The following NSUN6 variants were observed in gnomAD, a reference collection of about 807,000 sequenced individuals.
NSUN6 encodes the protein NOP2/Sun RNA methyltransferase 6.
A neutral mutation model predicts 58.0 loss-of-function variants in NSUN6; 64 were observed. The ratio of observed to expected loss-of-function variants is 1.10; its 90% CI spans 0.90 to 1.36. The LOEUF (loss-of-function observed/expected upper bound fraction) is 1.36, where lower values mean the gene tolerates loss of function less well. Among genes scored for constraint, NSUN6 ranks in the 40% most tolerant of loss-of-function variants. The pLI is 0.00. For synonymous variants in NSUN6, 231 were observed against 193.9 expected, an observed-to-expected ratio of 1.19 and a Z score of -1.59; for missense variants, 701 against 550.1, an observed-to-expected ratio of 1.27 and a Z score of -2.74.
intron 3 of NSUN6, among the ~76,000 whole-genome samples, chr10:18,627,677 C>G (rs542727551): frequency 6.6e-6 from 1 of 152,200 alleles, no homozygotes; most frequent in Non-Finnish European, 1.5e-5. Context: ...TTGGGTCACT[C>G]CCACCCCAAT....
rs2059420099 is a variant in NSUN6 at position 18,642,539 on chromosome 10, C to T, written c.248G>A (p.Ser83Asn). 1 of 1,514,254 alleles carries T rather than the reference C, an allele frequency of 6.6e-7. No homozygotes were observed. Among genetic ancestry groups the T allele is most frequent in the Non-Finnish European group, 9.2e-7 (1 of 1,090,448 alleles). 93.8% of individuals were successfully genotyped at this position (1,514,254 alleles called of 1,614,324 possible). A position where few individuals can be genotyped will look rare whatever the true frequency, so the allele number is the denominator to read the frequency against. ...DELQKQFNGL[S>N]VPILQHPDLQ... ...GTCTGGATGTTGAAGAATAGGAACACTTAATCCATTAAACTGCTGTTAAAG... is the reference window on the plus strand; with the variant it reads ...GTCTGGATGTTGAAGAATAGGAACATTTAATCCATTAAACTGCTGTTAAAG... The change falls in exon 3 of 11, where the codon AGT becomes AAT. Residue 83 changes from serine to asparagine, a missense_variant. By Grantham distance (46) the Ser-to-Asn change is conservative (BLOSUM62 1). Transcript: ENST00000377304.
intron 7 of NSUN6, among the ~76,000 whole-genome samples, chr10:18,586,659 G>A (rs1317995649): frequency 6.6e-6 from 1 of 152,194 alleles, no homozygotes; most frequent in African/African-American, 2.4e-5. Flanking sequence ...GCAGACCTTC[G>A]TAGTGAGTGT....
intron 8 of NSUN6, among the ~76,000 whole-genome samples, chr10:18,558,079 T>TA: frequency 6.8e-6 from 1 of 147,462 alleles, no homozygotes; most frequent in South Asian, 2.1e-4. Flanking sequence ...GAGAATGGAA[T>TA]GGAATGAAGA....
intron 8 of NSUN6, among the ~76,000 whole-genome samples, chr10:18,568,619 C>A (rs2056138854): frequency 2.0e-5 from 3 of 150,860 alleles, no homozygotes; most frequent in Non-Finnish European, 1.5e-5. Flanking sequence ...CATTGCATTC[C>A]ATTCTCCATT....
At chr10:18,620,928 G>T (rs1003086876) in intron 3 of NSUN6, among the ~76,000 whole-genome samples, 1 of 152,198 alleles carries the variant, frequency 6.6e-6, no homozygotes, top group African/African-American at 2.4e-5. Flanking sequence ...AACATGGAGG[G>T]GAAAGGATGA....
intron 6 of NSUN6, among the ~76,000 whole-genome samples, chr10:18,599,433 A>G (rs911733783): frequency 1.3e-5 from 2 of 152,156 alleles, no homozygotes; most frequent in African/African-American, 4.8e-5. Context: ...CCTTTATAAT[A>G]TTCCTTTACA....
chr10:18,647,752 T>TG (rs2059590644), intron 2 of NSUN6, among the ~76,000 whole-genome samples: 1 of 109,210 alleles, frequency 9.2e-6, no homozygotes, highest in Non-Finnish European at 1.9e-5. Context: ...TTTTTTTTTT[T>TG]GAGACAGAGT....
At position 18,616,223 on chromosome 10, in the gene NSUN6, C is replaced by T; in HGVS notation, c.382G>A (p.Ala128Thr). 6.2e-7 allele frequency: 1 copy of T among 1,606,134 alleles called. No individual in the cohort carries two copies. The highest frequency in any genetic ancestry group is 1.7e-4 in the Middle Eastern group (1 of 6,050). ...ACAATTCCTGGGGCATAGACATGGG[C>T]TCCTCTTAAAACTGCATTGCCACAC... Reference protein sequence around the residue: ...AQCGNAVLRGAHVYAPGIVSA... With the variant: ...AQCGNAVLRGTHVYAPGIVSA... Residue 128 changes from alanine to threonine, a missense_variant, in exon 4 of 11, where the codon GCC (alanine) becomes ACC (threonine). Ala to Thr is a moderately conservative substitution (Grantham distance 58). Coordinates refer to ENST00000377304, the MANE Select transcript of NSUN6 (RefSeq NM_182543.5).
intron 8 of NSUN6, among the ~76,000 whole-genome samples, chr10:18,567,242 T>C (rs187425560): frequency 1.3e-5 from 2 of 151,190 alleles, no homozygotes; most frequent in East Asian, 3.9e-4. Flanking sequence ...TTCCATTCCA[T>C]ATTCTATTCC....
chr10:18,639,863 G>C (rs907336166), intron 3 of NSUN6, among the ~76,000 whole-genome samples: 31 of 152,218 alleles, frequency 2.0e-4, no homozygotes, highest in African/African-American at 7.2e-4. Context: ...ACTTTGTAGA[G>C]GGTAATCTGG....
intron 8 of NSUN6, among the ~76,000 whole-genome samples, chr10:18,568,194 A>C (rs1253936021): frequency 6.7e-6 from 1 of 149,550 alleles, no homozygotes; most frequent in Non-Finnish European, 1.5e-5. Context: ...TCTCCATTCC[A>C]CAAAATTCAC....
intron 3 of NSUN6, among the ~76,000 whole-genome samples, chr10:18,640,429 TAAAGAA>T (rs1564840340): frequency 3.3e-5 from 5 of 152,160 alleles, no homozygotes; most frequent in Non-Finnish European, 7.4e-5. Context: ...AACTAAAGAA[TAAAGAA>T]AAAGTGTTTA....
At chr10:18,581,419 A>G (rs2056898562) in intron 8 of NSUN6, among the ~76,000 whole-genome samples, 1 of 152,232 alleles carries the variant, frequency 6.6e-6, no homozygotes, top group African/African-American at 2.4e-5. Flanking sequence ...CACTGGCACC[A>G]TGACAATTTA....
intron 6 of NSUN6, among the ~76,000 whole-genome samples, chr10:18,601,195 A>G (rs555484317): frequency 1.3e-5 from 2 of 151,788 alleles, no homozygotes; most frequent in African/African-American, 4.8e-5. Context: ...CACAAAGCCA[A>G]CTTTAAATCA....
intron 5 of NSUN6, 62 bp downstream of exon 5, chr10:18,614,398 T>C (rs2058339011): frequency 1.9e-6 from 2 of 1,052,192 alleles, no homozygotes; most frequent in Non-Finnish European, 2.6e-6. Context: ...TTTTACATTA[T>C]TTTTAATTTT....
intron 3 of NSUN6, among the ~76,000 whole-genome samples, chr10:18,632,673 C>T (rs561200530): frequency 1.3e-5 from 2 of 152,300 alleles, no homozygotes; most frequent in South Asian, 2.1e-4. Context: ...CATCACTGGC[C>T]ATCAGAGAAA....
chr10:18,590,580 T>G (rs1405723303), intron 7 of NSUN6, among the ~76,000 whole-genome samples: 1 of 152,090 alleles, frequency 6.6e-6, no homozygotes, highest in Non-Finnish European at 1.5e-5. Flanking sequence ...TGCAATCAAA[T>G]TAGGACTCAG....
chr10:18,587,501 G>A (rs1485582455), intron 7 of NSUN6, among the ~76,000 whole-genome samples: 1 of 152,194 alleles, frequency 6.6e-6, no homozygotes, highest in East Asian at 1.9e-4. Context: ...GAGGGGCCAA[G>A]AGAGCTGAAT....
chr10:18,636,686 G>C (rs1411909969), intron 3 of NSUN6, among the ~76,000 whole-genome samples: 1 of 152,072 alleles, frequency 6.6e-6, no homozygotes, highest in Non-Finnish European at 1.5e-5. Context: ...AAGGTCAGGA[G>C]TTCGAGACCA....
Sources: gnomAD v4.1 joint callset for allele counts (sites outside exome capture counted in the v4.1 genomes callset) on GRCh38, gnomAD v4.1.1 for gene constraint, MANE v1.5 for transcripts, NCBI Gene and HGNC (gene_info 2026-07-23, HGNC 2026-07-21) for gene names.